ITFG1: variants seen among roughly 807,000 people sequenced by gnomAD.
The protein encoded by ITFG1 is T-cell immunomodulatory protein.
ITFG1 carries 34 observed loss-of-function variants against 81.8 expected under a neutral mutation model. The ratio of observed to expected loss-of-function variants is 0.42; its 90% confidence interval spans 0.32 to 0.55. The LOEUF (loss-of-function observed/expected upper bound fraction) is 0.55. Among genes scored for constraint, ITFG1 ranks in the 20% least tolerant of loss-of-function variants. The probability of loss-of-function intolerance (pLI) is 0.17; values close to 1 mark genes in which losing one functional copy is unlikely to be tolerated. For synonymous variants in ITFG1, 285 were observed against 270.6 expected, an observed-to-expected ratio of 1.05 and a Z score of -0.52; for missense variants, 672 against 755.4, an observed-to-expected ratio of 0.89 and a Z score of 1.29.
chr16:47,194,522 T>C (rs1463015978), intron 14 of ITFG1, among the ~76,000 whole-genome samples: 1 of 152,196 alleles, frequency 6.6e-6, no homozygotes, highest in Non-Finnish European at 1.5e-5. Context: ...TAATGAATAG[T>C]GAAGTCAGTC....
chr16:47,260,820 C>G, intron 10 of ITFG1, 125 bp from the exon 11 acceptor site: 1 of 1,057,616 alleles, frequency 9.5e-7, no homozygotes, highest in Non-Finnish European at 1.4e-6. Context: ...GAAAAAATCT[C>G]CACATTTTTT....
At chr16:47,377,622 G>A (rs1231543773) in intron 6 of ITFG1, among the ~76,000 whole-genome samples, 1 of 152,118 alleles carries the variant, frequency 6.6e-6, no homozygotes, top group African/African-American at 2.4e-5. Context: ...CCTGGTGAAT[G>A]GATTCTTCAA....
At chr16:47,343,991 C>T (rs559571106) in intron 8 of ITFG1, among the ~76,000 whole-genome samples, 8 of 151,956 alleles carry the variant, frequency 5.3e-5, no homozygotes, top group East Asian at 1.9e-4. Context: ...ACGGATGAAC[C>T]GCAAAAACAT....
chr16:47,427,563 T>G (rs1466692571), intron 6 of ITFG1, among the ~76,000 whole-genome samples: 1 of 152,036 alleles, frequency 6.6e-6, no homozygotes, highest in African/African-American at 2.4e-5. Context: ...GAGGCGGAGG[T>G]TGCAGTGGGC....
At chr16:47,238,627 C>A (rs954389032) in intron 12 of ITFG1, among the ~76,000 whole-genome samples, 1 of 152,060 alleles carries the variant, frequency 6.6e-6, no homozygotes, top group African/African-American at 2.4e-5. Flanking sequence ...CATATTTCTA[C>A]CACTTTTGGT....
At chr16:47,300,979 T>C (rs1967066493) in intron 10 of ITFG1, among the ~76,000 whole-genome samples, 1 of 152,210 alleles carries the variant, frequency 6.6e-6, no homozygotes, top group South Asian at 2.1e-4. Context: ...TGTGCCCTAA[T>C]TAATTCATAA....
chr16:47,305,982 A>T (rs1967151714), intron 10 of ITFG1, among the ~76,000 whole-genome samples: 1 of 152,292 alleles, frequency 6.6e-6, no homozygotes, highest in African/African-American at 2.4e-5. Flanking sequence ...TAGCAACAAA[A>T]CGTGAAAATC....
intron 10 of ITFG1, among the ~76,000 whole-genome samples, chr16:47,264,597 TAGAG>T (rs1298603971): frequency 8.1e-6 from 1 of 123,894 alleles, no homozygotes; most frequent in African/African-American, 3.2e-5. Context: ...CACACAGAGA[TAGAG>T]AGAAAATTTT....
intron 10 of ITFG1, among the ~76,000 whole-genome samples, chr16:47,298,476 ATT>A (rs1190902445): frequency 6.8e-6 from 1 of 147,982 alleles, no homozygotes; most frequent in African/African-American, 2.5e-5. Flanking sequence ...TTGGGGGGAA[ATT>A]TTTTTTTTTC....
chr16:47,311,197 C>A, intron 10 of ITFG1, 43 bp downstream of exon 10: 1 of 1,433,860 alleles, frequency 7.0e-7, no homozygotes, highest in South Asian at 1.3e-5. Flanking sequence ...AAATATTTCT[C>A]ACATAGTTTA....
chr16:47,263,642 T>C (rs980535270), intron 10 of ITFG1: 15 of 178,914 alleles, frequency 8.4e-5, no homozygotes, highest in Admixed American at 8.3e-4. Flanking sequence ...CTGACCTCTA[T>C]GTGTTACCAG....
intron 14 of ITFG1, among the ~76,000 whole-genome samples, chr16:47,212,689 T>C (rs1250535969): frequency 6.6e-6 from 1 of 152,258 alleles, no homozygotes; most frequent in Non-Finnish European, 1.5e-5. Flanking sequence ...TTCAAGAAGT[T>C]TGTCCATTTC....
chr16:47,439,104 A>T (rs2151613501), intron 5 of ITFG1, among the ~76,000 whole-genome samples: 1 of 152,362 alleles, frequency 6.6e-6, no homozygotes, highest in Non-Finnish European at 1.5e-5. Context: ...GACGAAATGA[A>T]TGAAATGAAG....
intron 7 of ITFG1, among the ~76,000 whole-genome samples, chr16:47,368,427 C>T (rs1248464185): frequency 4.6e-5 from 7 of 150,578 alleles, no homozygotes; most frequent in African/African-American, 1.7e-4. Context: ...TGGTAGTGCA[C>T]ACCTGTAATC....
chr16:47,238,292 C>A, intron 12 of ITFG1: 1 of 211,238 alleles, frequency 4.7e-6, no homozygotes, highest in Non-Finnish European at 9.4e-6. Flanking sequence ...CCTGTTGGTT[C>A]TATTTTCCAA....
intron 12 of ITFG1, among the ~76,000 whole-genome samples, chr16:47,244,962 G>C (rs1297931544): frequency 6.6e-6 from 1 of 152,054 alleles, no homozygotes; most frequent in Non-Finnish European, 1.5e-5. Context: ...TTCTAAAACT[G>C]TGAGAAATAA....
intron 14 of ITFG1, among the ~76,000 whole-genome samples, chr16:47,181,658 G>A (rs761016661): frequency 2.0e-4 from 30 of 152,086 alleles, no homozygotes; most frequent in Non-Finnish European, 3.1e-4. Context: ...CCCTCTGCCC[G>A]GCCACCACCC....
intron 5 of ITFG1, among the ~76,000 whole-genome samples, chr16:47,438,236 C>A (rs1439947705): frequency 6.6e-6 from 1 of 152,176 alleles, no homozygotes; most frequent in African/African-American, 2.4e-5. Context: ...TGCCTGCCTG[C>A]CTCTGTAGGC....
intron 10 of ITFG1, among the ~76,000 whole-genome samples, chr16:47,266,080 T>C (rs1966271546): frequency 6.6e-6 from 1 of 152,020 alleles, no homozygotes; most frequent in Non-Finnish European, 1.5e-5. Flanking sequence ...TCAAGGAAAA[T>C]ATATACGAAA....
Sources: gnomAD v4.1 joint callset for allele counts (sites outside exome capture counted in the v4.1 genomes callset) on GRCh38, gnomAD v4.1.1 for gene constraint, MANE v1.5 for transcripts, NCBI Gene and HGNC (gene_info 2026-07-23, HGNC 2026-07-21) for gene names.